ZSWIM5: variants seen among roughly 807,000 people sequenced by gnomAD.
ZSWIM5 encodes zinc finger SWIM domain-containing protein 5.
ZSWIM5 carries 55 observed loss-of-function variants against 119.6 expected under a neutral mutation model. The ratio of observed to expected loss-of-function variants is 0.46; its 90% CI spans 0.37 to 0.58. ZSWIM5 has a LOEUF of 0.58. ZSWIM5 is among the 20% of genes least tolerant of loss of function. The probability of loss-of-function intolerance (pLI) is 0.00; values close to 1 mark genes in which losing one functional copy is unlikely to be tolerated. For missense variants in ZSWIM5, 1,193 were observed against 1,512.8 expected, an observed-to-expected ratio of 0.79 and a Z score of 3.51; for synonymous variants, 537 against 606.9, an observed-to-expected ratio of 0.88 and a Z score of 1.69.
chr1:45,187,615 T>C (rs2149051840), intron 1 of ZSWIM5, among the ~76,000 whole-genome samples: 1 of 151,934 alleles, frequency 6.6e-6, no homozygotes, highest in Non-Finnish European at 1.5e-5. Context: ...TTCATCAAAA[T>C]TTAACACTTT....
At chr1:45,139,442 TCTCTCCCTCCC>T (rs1436006592) in intron 1 of ZSWIM5, among the ~76,000 whole-genome samples, 1 of 130,338 alleles carries the variant, frequency 7.7e-6, no homozygotes, top group African/African-American at 2.9e-5. Flanking sequence ...CCTTCCCTCC[TCTCTCCCTCCC>T]CTCTCCCTCC....
At chr1:45,092,601 C>T (rs1645375268) in intron 1 of ZSWIM5, among the ~76,000 whole-genome samples, 1 of 148,646 alleles carries the variant, frequency 6.7e-6, no homozygotes, top group Non-Finnish European at 1.5e-5. Flanking sequence ...CCGCACCTGG[C>T]CCGATGGTTA....
intron 1 of ZSWIM5, among the ~76,000 whole-genome samples, chr1:45,149,396 A>G (rs1013729186): frequency 1.3e-5 from 2 of 152,252 alleles, no homozygotes; most frequent in Non-Finnish European, 2.9e-5. Context: ...AACTGAATAT[A>G]CAATTTAGCA....
In ZSWIM5 at chr1:45,058,696, G is replaced by T; in HGVS notation, c.1165C>A (p.Gln389Lys). ...GTGAGTCGTGGGTCAGCCACAAACTGCTCAGTTATTAGTGTCAGCATCCTT... is the reference window on the plus strand; with the variant it reads ...GTGAGTCGTGGGTCAGCCACAAACTTCTCAGTTATTAGTGTCAGCATCCTT... ...GARMLTLITEQFVADPRLTLW... is the reference protein window; with the variant it reads ...GARMLTLITEKFVADPRLTLW... The change falls in exon 4 of 14, where the codon CAG becomes AAG. Residue 389 changes from glutamine (Q) to lysine (K), a missense_variant. By Grantham distance (53) the Gln-to-Lys change is moderately conservative. Coordinates refer to ENST00000359600, the MANE Select transcript of ZSWIM5 (RefSeq NM_020883.2). 1 of 1,614,202 alleles carries T rather than the reference G, an allele frequency of 6.2e-7. No homozygotes were observed.
chr1:45,069,475 A>G (rs944303042), intron 2 of ZSWIM5, among the ~76,000 whole-genome samples: 6 of 152,070 alleles, frequency 3.9e-5, no homozygotes, highest in Non-Finnish European at 8.8e-5. Context: ...ATTTTGTTCA[A>G]TTATTTCATT....
chr1:45,060,090 A>C lies in ZSWIM5; in HGVS notation c.1101+9T>G, dbSNP rs199982396. 3 of 1,613,964 alleles carry C rather than the reference A, an allele frequency of 1.9e-6. No homozygotes were observed. Among genetic ancestry groups the C allele is most frequent in the South Asian group, 2.2e-5 (2 of 91,072 alleles). ...AACAACAAAAGAAAAACACCTTTTC[A>C]TATCTTACCTTGGCAAACATTGAGT... On this transcript the variant is annotated intron_variant, in intron 3 of 13. Transcript: ENST00000359600.
At chr1:45,164,931 C>T (rs1222903084) in intron 1 of ZSWIM5, among the ~76,000 whole-genome samples, 1 of 151,996 alleles carries the variant, frequency 6.6e-6, no homozygotes, top group Non-Finnish European at 1.5e-5. Context: ...AACAAGGTTA[C>T]CCAGGAATTG....
At position 45,174,863 on chromosome 1, in the gene ZSWIM5, C is replaced by T. The variant is rs531156542; in HGVS notation, c.595+30893G>A. On this transcript the variant is annotated intron_variant, in intron 1 of 13. Transcript: ENST00000359600. ...GAGTTATTGGAGAGTAAGTTGTCAACGTACTGCCTTATCACCCCAGAATAC... is the reference window on the plus strand; with the variant it reads ...GAGTTATTGGAGAGTAAGTTGTCAATGTACTGCCTTATCACCCCAGAATAC... Among the ~76,000 whole-genome samples, 55 of 152,074 alleles carry T rather than the reference C, an allele frequency of 3.6e-4. 1 individual carries two copies. Among genetic ancestry groups the T allele is most frequent in the Non-Finnish European group, 5.0e-4 (34 of 67,988 alleles).
chr1:45,073,467 C>G (rs986675194), intron 2 of ZSWIM5, among the ~76,000 whole-genome samples: 12 of 151,442 alleles, frequency 7.9e-5, no homozygotes, highest in Admixed American at 4.6e-4. Context: ...CCATGTTGGC[C>G]AGGCTTGTCT....
At chr1:45,183,942 A>G (rs897482249) in intron 1 of ZSWIM5, among the ~76,000 whole-genome samples, 56 of 152,304 alleles carry the variant, frequency 3.7e-4, no homozygotes, top group African/African-American at 1.3e-3. Flanking sequence ...CAGAGACACA[A>G]CCAAAAAAGA....
chr1:45,021,346 G>A (rs1382899281), intron 11 of ZSWIM5, among the ~76,000 whole-genome samples: 1 of 152,174 alleles, frequency 6.6e-6, no homozygotes, highest in African/African-American at 2.4e-5. Flanking sequence ...AATTTCCAGA[G>A]CTACTTATAC....
intron 2 of ZSWIM5, chr1:45,070,348 G>A (rs1645214206): frequency 3.5e-6 from 5 of 1,409,830 alleles, no homozygotes; most frequent in Non-Finnish European, 5.0e-6. Flanking sequence ...ATGGCCAACG[G>A]CATGGGCAGC....
chr1:45,157,414 A>T (rs939899360), intron 1 of ZSWIM5, among the ~76,000 whole-genome samples: 7 of 152,086 alleles, frequency 4.6e-5, no homozygotes, highest in African/African-American at 1.7e-4. Context: ...GGCTCAAGTG[A>T]TCCTCCCACC....
intron 1 of ZSWIM5, among the ~76,000 whole-genome samples, chr1:45,179,970 G>A (rs1394672279): frequency 2.6e-5 from 4 of 152,160 alleles, no homozygotes; most frequent in African/African-American, 7.2e-5. Flanking sequence ...GGCCGAATAG[G>A]AACAGCTCTG....
At chr1:45,182,191 C>T (rs1210013863) in intron 1 of ZSWIM5, among the ~76,000 whole-genome samples, 7 of 151,942 alleles carry the variant, frequency 4.6e-5, no homozygotes, top group South Asian at 2.1e-4. Context: ...CCGAGGCGGG[C>T]GGATCACGAG....
chr1:45,167,271 T>C (rs1177765830), intron 1 of ZSWIM5, among the ~76,000 whole-genome samples: 1 of 151,770 alleles, frequency 6.6e-6, no homozygotes, highest in Non-Finnish European at 1.5e-5. Context: ...GCTAGCCATA[T>C]GTAGAAAGCT....
intron 1 of ZSWIM5, among the ~76,000 whole-genome samples, chr1:45,117,349 T>C (rs1645564381): frequency 6.6e-6 from 1 of 150,808 alleles, no homozygotes; most frequent in Admixed American, 6.6e-5. Context: ...CTCTCCCTGG[T>C]TACATGGTTG....
At chr1:45,139,254 A>G (rs1645709613) in intron 1 of ZSWIM5, among the ~76,000 whole-genome samples, 1 of 152,016 alleles carries the variant, frequency 6.6e-6, no homozygotes, top group Non-Finnish European at 1.5e-5. Context: ...CAATCACAGT[A>G]CATAGCAGCC....
chr1:45,053,641 T>A (rs909990969), intron 4 of ZSWIM5, among the ~76,000 whole-genome samples: 6 of 150,824 alleles, frequency 4.0e-5, no homozygotes, highest in Admixed American at 1.3e-4. Context: ...TGTGTGCCTA[T>A]AATCCCAGTT....
Sources: gnomAD v4.1 joint callset for allele counts (sites outside exome capture counted in the v4.1 genomes callset) on GRCh38, gnomAD v4.1.1 for gene constraint, MANE v1.5 for transcripts, NCBI Gene and HGNC (gene_info 2026-07-23, HGNC 2026-07-21) for gene names.